Variants in SSH2 observed in about 807,000 individuals in gnomAD.
SSH2 encodes protein phosphatase Slingshot homolog 2.
SSH2 carries 37 observed loss-of-function variants against 135.2 expected under a neutral mutation model. The observed-to-expected ratio is 0.27, with a 90% CI of 0.21 to 0.36. SSH2 has a LOEUF of 0.36. SSH2 is among the 10% of genes least tolerant of loss of function. SSH2 has a pLI of 1.00. For synonymous variants in SSH2, 628 were observed against 646.2 expected, an observed-to-expected ratio of 0.97 and a Z score of 0.43; for missense variants, 1,408 against 1,765.3, an observed-to-expected ratio of 0.80 and a Z score of 3.63.
At chr17:29,818,102 A>G (rs909783136) in intron 2 of SSH2, among the ~76,000 whole-genome samples, 1 of 152,116 alleles carries the variant, frequency 6.6e-6, no homozygotes, top group African/African-American at 2.4e-5. Flanking sequence ...AAGATTACTT[A>G]TAATACATAA....
At chr17:29,819,545 A>G (rs1050821993) in intron 2 of SSH2, among the ~76,000 whole-genome samples, 6 of 152,356 alleles carry the variant, frequency 3.9e-5, no homozygotes, top group African/African-American at 1.4e-4. Flanking sequence ...GATGGCACAC[A>G]AAATGGTTTC....
intron 12 of SSH2, among the ~76,000 whole-genome samples, chr17:29,655,241 C>G (rs1224207333): frequency 2.0e-5 from 3 of 151,868 alleles, no homozygotes; most frequent in Non-Finnish European, 1.5e-5. Context: ...GTAGCTGGGA[C>G]TACAGGCGCC....
chr17:29,640,493 G>A (rs1197612166), intron 14 of SSH2, among the ~76,000 whole-genome samples: 2 of 152,136 alleles, frequency 1.3e-5, no homozygotes, highest in Non-Finnish European at 2.9e-5. Flanking sequence ...GTCTGACATC[G>A]CAGCTGTGTA....
At chr17:29,671,169 T>A (rs6505141) in intron 9 of SSH2, among the ~76,000 whole-genome samples, 84,823 of 151,694 alleles carry the variant, frequency 0.56, 24,126 homozygotes, top group East Asian at 0.68. Flanking sequence ...ATAAAATATT[T>A]AAAAAAAATT....
chr17:29,756,943 C>A (rs1472778003), intron 3 of SSH2, among the ~76,000 whole-genome samples: 1 of 152,136 alleles, frequency 6.6e-6, no homozygotes, highest in Non-Finnish European at 1.5e-5. Flanking sequence ...GCGTGAGCCA[C>A]CCTGCCTGGC....
intron 3 of SSH2, among the ~76,000 whole-genome samples, chr17:29,737,731 A>G (rs1413049188): frequency 1.3e-5 from 2 of 152,202 alleles, no homozygotes; most frequent in Non-Finnish European, 2.9e-5. Flanking sequence ...AAAATTTGTA[A>G]TATTACTATA....
intron 2 of SSH2, among the ~76,000 whole-genome samples, chr17:29,798,588 T>C (rs2042198591): frequency 6.6e-6 from 1 of 152,212 alleles, no homozygotes; most frequent in African/African-American, 2.4e-5. Context: ...CATAACCTCA[T>C]TGAGTGTTTA....
At position 29,648,298 on chromosome 17, in the gene SSH2, G is replaced by A. The variant is rs1567842542; in HGVS notation, c.1273C>T (p.Arg425Cys). The change falls in exon 14 of 16, where the codon CGC becomes TGC. Residue 425 changes from arginine to cysteine, a missense_variant. Arg to Cys is a radical substitution (Grantham distance 180, BLOSUM62 -3). Transcript: ENST00000540801. ...CLVHCKMGVSRSASTVIAYAM... is the reference protein window; with the variant it reads ...CLVHCKMGVSCSASTVIAYAM... ...TAGGCAATCACGGTGGAGGCTGAGC[G>A]ACTCACCCCCATTTTGCAGTGCACA... The A allele has an allele frequency of 6.2e-7, 1 of 1,613,960 alleles. No homozygotes were observed. Among genetic ancestry groups the A allele is most frequent in the Non-Finnish European group, 8.5e-7 (1 of 1,179,902 alleles).
At position 29,630,895 on chromosome 17, in the gene SSH2, C is replaced by T. The variant is rs1299034170; in HGVS notation, c.4299G>A (p.Leu1433=). 3 of 1,578,686 alleles carry T rather than the reference C, an allele frequency of 1.9e-6. No individual in the cohort carries two copies. Among genetic ancestry groups the T allele is most frequent in the African/African-American group, 2.7e-5 (2 of 73,652 alleles). The change falls in exon 16 of 16, where the codon CTG becomes CTA. Residue 1433 remains leucine (L), a synonymous_variant. Coordinates refer to ENST00000540801, the MANE Select transcript of SSH2 (RefSeq NM_001282129.2). Reference sequence around the variant, plus strand: ...TCCGTTTTTTGTCATTTGCCTTTTTCAGTCTCCTAAGGGGGTGAGTTCTGC... The same window carrying T: ...TCCGTTTTTTGTCATTTGCCTTTTTTAGTCTCCTAAGGGGGTGAGTTCTGC... ...QHGRTHPLRR[L]KKANDKKRTT...
intron 12 of SSH2, among the ~76,000 whole-genome samples, chr17:29,651,762 GC>G (rs1443427771): frequency 7.2e-5 from 11 of 152,180 alleles, no homozygotes; most frequent in African/African-American, 2.7e-4. Flanking sequence ...AGGTCAAGTG[GC>G]CAAAAATTTT....
intron 2 of SSH2, among the ~76,000 whole-genome samples, chr17:29,803,962 A>G (rs2042295549): frequency 6.6e-6 from 1 of 152,148 alleles, no homozygotes. Flanking sequence ...ATACCTAGGC[A>G]CTCATAATCT....
chr17:29,712,498 T>C (rs1598858363), intron 3 of SSH2, among the ~76,000 whole-genome samples: 1 of 152,310 alleles, frequency 6.6e-6, no homozygotes, highest in Non-Finnish European at 1.5e-5. Flanking sequence ...AATATTTTAC[T>C]TATGATAGTT....
chr17:29,660,366 A>G (rs1003620362), intron 11 of SSH2, among the ~76,000 whole-genome samples: 27 of 151,292 alleles, frequency 1.8e-4, no homozygotes, highest in African/African-American at 6.3e-4. Flanking sequence ...TCCCAGGTTC[A>G]AGCGATTCTC....
In SSH2 at chr17:29,626,320, T is replaced by C. The variant is rs1598656366; in HGVS notation, c.*4521A>G. The stretch of plus-strand genomic sequence containing the variant: ...AAAGAAAAGTAAAGGCACCTTTAGA[T>C]ATGCCAAGCAAACCAAAATCCAACA... On this transcript the variant is annotated 3_prime_UTR_variant, in exon 16 of 16. Coordinates refer to ENST00000540801, the MANE Select transcript of SSH2 (RefSeq NM_001282129.2). 1 of 150,030 alleles carries C rather than the reference T, an allele frequency of 6.7e-6. No homozygotes were observed. Among genetic ancestry groups the C allele is most frequent in the African/African-American group, 2.5e-5 (1 of 40,772 alleles). The allele number at this position is 150,030 out of a possible 1,614,324, so 9.3% of individuals were successfully genotyped here.
intron 5 of SSH2, among the ~76,000 whole-genome samples, chr17:29,690,128 G>A (rs532184124): frequency 5.9e-5 from 9 of 152,110 alleles, no homozygotes; most frequent in African/African-American, 2.4e-5. Flanking sequence ...TCACCACTGG[G>A]TGCAGTGGCT....
At chr17:29,747,003 G>A (rs956158273) in intron 3 of SSH2, among the ~76,000 whole-genome samples, 2 of 152,156 alleles carry the variant, frequency 1.3e-5, no homozygotes, top group African/African-American at 4.8e-5. Context: ...AGAACGCTCA[G>A]GACTTGAAAT....
chr17:29,641,319 A>C (rs553403554), intron 14 of SSH2, among the ~76,000 whole-genome samples: 117 of 152,370 alleles, frequency 7.7e-4, no homozygotes, highest in African/African-American at 2.6e-3. Context: ...GTAATGTATT[A>C]GATCATATCT....
chr17:29,757,995 T>A (rs1405193129), intron 3 of SSH2, among the ~76,000 whole-genome samples: 2 of 151,726 alleles, frequency 1.3e-5, no homozygotes, highest in Non-Finnish European at 2.9e-5. Flanking sequence ...GCAAGTGAGA[T>A]GTCTTCAAGC....
Position 29,629,886 on chromosome 17 carries a change from G to C in SSH2, c.*955C>G, listed in dbSNP as rs900003766. The stretch of plus-strand genomic sequence containing the variant: ...AAAATATGGCCATTAAACTCAGAAG[G>C]CCCAAAGAATTATTCAAGTAATGGA... On this transcript the variant is annotated 3_prime_UTR_variant, in exon 16 of 16. Transcript: ENST00000540801. 1 of 152,568 alleles carries C rather than the reference G, an allele frequency of 6.6e-6. No homozygotes were observed. The highest frequency in any genetic ancestry group is 6.5e-5 in the Admixed American group (1 of 15,270). 9.5% of individuals were successfully genotyped at this position (152,568 alleles called of 1,614,324 possible).
Sources: gnomAD v4.1 joint callset for allele counts (sites outside exome capture counted in the v4.1 genomes callset) on GRCh38, gnomAD v4.1.1 for gene constraint, MANE v1.5 for transcripts, NCBI Gene and HGNC (gene_info 2026-07-23, HGNC 2026-07-21) for gene names.